CPED1: variants seen among roughly 807,000 people sequenced by gnomAD.
CPED1 encodes the protein cadherin like and PC-esterase domain containing 1.
CPED1 carries 114 observed loss-of-function variants against 128.2 expected under a neutral mutation model. The ratio of observed to expected loss-of-function variants is 0.89; its 90% CI spans 0.76 to 1.04. The LOEUF (loss-of-function observed/expected upper bound fraction) is 1.04, where lower values mean the gene tolerates loss of function less well. Ranked by LOEUF, CPED1 falls within the 50% of genes least tolerant of loss-of-function variation. The pLI is 0.00. For synonymous variants in CPED1, 462 were observed against 426.7 expected (o/e 1.08, Z -1.02); for missense variants, 1,211 against 1,207.1 (o/e 1.00, Z -0.05).
chr7:121,244,206 G>A lies in CPED1; in HGVS notation c.2178G>A (p.Gln726=). ...AAGTTTTGCCATCTATTCCAGGCCAGTGGATTGTGCCTTGCCTTAGTTGTT... is the reference window on the plus strand; with the variant it reads ...AAGTTTTGCCATCTATTCCAGGCCAATGGATTGTGCCTTGCCTTAGTTGTT... ...KRCPSGDMKG[Q]WIVPCLSCSD... Residue 726 remains glutamine, a synonymous_variant, in exon 18 of 23, where the codon CAG becomes CAA. Transcript: ENST00000310396. The A allele has an allele frequency of 6.2e-7, 1 of 1,614,180 alleles. No homozygotes were observed. Among genetic ancestry groups the A allele is most frequent in the Non-Finnish European group, 8.5e-7 (1 of 1,180,020 alleles).
intron 16 of CPED1, among the ~76,000 whole-genome samples, chr7:121,170,532 T>C (rs1484748798): frequency 6.6e-6 from 1 of 152,154 alleles, no homozygotes; most frequent in Admixed American, 6.5e-5. Context: ...TGATGAATAA[T>C]AAGTACTCAG....
chr7:121,187,918 G>A lies in CPED1; in HGVS notation c.2055+45777G>A, dbSNP rs549257771. On this transcript the variant is annotated intron_variant, in intron 16 of 22. Coordinates refer to ENST00000310396, the MANE Select transcript of CPED1 (RefSeq NM_024913.5). The stretch of plus-strand genomic sequence containing the variant: ...TATGTGCCTCTTGATATGATGCAAT[G>A]AGGAAGTTCACAGGACTTCCTAAAT... Among the ~76,000 whole-genome samples, 14 of 152,190 alleles carry A rather than the reference G, an allele frequency of 9.2e-5. No homozygotes were observed. The South Asian group carries it at 2.9e-3, about 32-fold the overall frequency.
At chr7:121,075,993 G>A (rs561864258) in intron 5 of CPED1, among the ~76,000 whole-genome samples, 1 of 152,204 alleles carries the variant, frequency 6.6e-6, no homozygotes, top group South Asian at 2.1e-4. Context: ...GTATGTGTTT[G>A]TCTCCCCCAC....
chr7:121,237,121 T>G (rs987657782), intron 17 of CPED1, among the ~76,000 whole-genome samples: 1 of 152,198 alleles, frequency 6.6e-6, no homozygotes, highest in African/African-American at 2.4e-5. Flanking sequence ...GATTTGTTTC[T>G]TTATTATATA....
At chr7:121,100,585 TAGGGAAGATTTC>T (rs1199680017) in intron 7 of CPED1, among the ~76,000 whole-genome samples, 1 of 152,096 alleles carries the variant, frequency 6.6e-6, no homozygotes, top group Admixed American at 6.5e-5. Flanking sequence ...TAAAGGATAA[TAGGGAAGATTTC>T]AGGGAAGAAC....
Position 121,108,929 on chromosome 7 carries a change from AACACATAGTTTTAAACTTACT to A in CPED1, c.918+8841_918+8861del, listed in dbSNP as rs1458817611. 9.2e-5 allele frequency among the ~76,000 whole-genome samples: 14 copies of A among 152,262 alleles called. No homozygotes were observed. In the East Asian group the frequency reaches 2.7e-3, roughly 29 times the overall value. ...ACAACAACAACAAAAAAGATTTTGCAACACATAGTTTTAAACTTACTACACAATACCAGTTTTAAAATTACT... is the reference window on the plus strand; with the variant it reads ...ACAACAACAACAAAAAAGATTTTGCAACACAATACCAGTTTTAAAATTACT... On this transcript the variant is annotated intron_variant, in intron 7 of 22. Transcript: ENST00000310396.
Position 121,063,381 on chromosome 7 carries a change from G to GAAAAAAAAAAAAAAAAA in CPED1, c.541-852_541-836dup, listed in dbSNP as rs368502123. ...GCTTTATTTTGCAAATGAAGAAACT[G>GAAAAAAAAAAAAAAAAA]AAAAAAAAAAAAAAAAAAAAAGCAA... On this transcript the variant is annotated intron_variant, in intron 4 of 22. Transcript: ENST00000310396. 2.2e-4 allele frequency among the ~76,000 whole-genome samples: 15 copies of GAAAAAAAAAAAAAAAAA among 67,036 alleles called. 1 individual carries two copies. The highest frequency in any genetic ancestry group is 5.5e-4 in the African/African-American group (9 of 16,450). 44.0% of individuals were successfully genotyped at this position (67,036 alleles called of 152,430 possible). A position where few individuals can be genotyped will look rare whatever the true frequency, so the allele number is the denominator to read the frequency against.
chr7:121,084,648 T>C (rs1392467157), intron 5 of CPED1, among the ~76,000 whole-genome samples: 1 of 152,242 alleles, frequency 6.6e-6, no homozygotes, highest in Non-Finnish European at 1.5e-5. Context: ...CAAAATTCAG[T>C]ATGTAATAAA....
chr7:121,013,705 G>A (rs1792219769), intron 2 of CPED1, among the ~76,000 whole-genome samples: 1 of 152,162 alleles, frequency 6.6e-6, no homozygotes, highest in East Asian at 1.9e-4. Flanking sequence ...TAGATGCAGA[G>A]TTTGTGTCCT....
rs541681930 is a variant in CPED1, at chr7:121,015,738, G to C, written c.323G>C (p.Ser108Thr). 3.1e-6 allele frequency: 5 copies of C among 1,611,704 alleles called. No homozygotes were observed. The African/African-American group carries it at 5.3e-5, about 17-fold the overall frequency. ...RAILYRPPFY[S>T]KTELQLHQHI... ...ATACTCTACAGGCCTCCTTTCTACA[G>C]CAAAACAGAGCTTCAGCTACACCAG... is the stretch of plus-strand genomic sequence containing the variant. Residue 108 changes from serine (S) to threonine (T), a missense_variant, in exon 3 of 23, where the codon AGC (serine) becomes ACC (threonine). Transcript: ENST00000310396.
chr7:121,123,165 C>A (rs1795427525), intron 7 of CPED1, among the ~76,000 whole-genome samples: 2 of 152,044 alleles, frequency 1.3e-5, no homozygotes, highest in African/African-American at 4.8e-5. Flanking sequence ...GAAGAACATC[C>A]CAATTGCCAA....
At chr7:121,226,617 A>G (rs894038760) in intron 16 of CPED1, among the ~76,000 whole-genome samples, 1 of 152,098 alleles carries the variant, frequency 6.6e-6, no homozygotes, top group African/African-American at 2.4e-5. Flanking sequence ...TCTTAGCAGT[A>G]TAATTGCTGG....
In CPED1 at chr7:121,263,096, G is replaced by A. The variant is rs140270946; in HGVS notation, c.2311-3131G>A. On this transcript the variant is annotated intron_variant, in intron 18 of 22. Coordinates refer to ENST00000310396, the MANE Select transcript of CPED1 (RefSeq NM_024913.5). ...ATTGAGATATTTGCGATTTAGAAGA[G>A]CTTGTTGTGCAAATGACAGTGGTGA... 4.5e-4 allele frequency among the ~76,000 whole-genome samples: 69 copies of A among 152,198 alleles called. 1 individual carries two copies. The highest frequency in any genetic ancestry group is 4.1e-3 in the Admixed American group (62 of 15,286).
At chr7:121,228,743 G>A (rs1248179755) in intron 16 of CPED1, among the ~76,000 whole-genome samples, 1 of 151,962 alleles carries the variant, frequency 6.6e-6, no homozygotes. Context: ...ATCAGCATAA[G>A]TGCCTATCAG....
intron 16 of CPED1, among the ~76,000 whole-genome samples, chr7:121,179,699 C>T (rs1458267910): frequency 6.6e-6 from 1 of 151,948 alleles, no homozygotes; most frequent in East Asian, 1.9e-4. Context: ...GACTTATAAA[C>T]CCAACATAAC....
At chr7:121,050,948 A>G in intron 4 of CPED1, 1 of 497,594 alleles carries the variant, frequency 2.0e-6, no homozygotes, top group South Asian at 1.5e-5. Flanking sequence ...ATCAAGGAAG[A>G]GCCCAAGAGG....
At chr7:121,060,938 G>A (rs1356844447) in intron 4 of CPED1, among the ~76,000 whole-genome samples, 1 of 151,824 alleles carries the variant, frequency 6.6e-6, no homozygotes, top group African/African-American at 2.4e-5. Context: ...GCGAGACCAC[G>A]AGCCCCCCGG....
At chr7:121,169,854 C>T (rs1338266071) in intron 16 of CPED1, among the ~76,000 whole-genome samples, 1 of 152,094 alleles carries the variant, frequency 6.6e-6, no homozygotes, top group Non-Finnish European at 1.5e-5. Context: ...ATATTTTTTA[C>T]GTTGAAGGAA....
In CPED1 at chr7:121,295,623, A is replaced by C. The variant is rs767001502; in HGVS notation, c.3052A>C (p.Arg1018=). ...NQVCSEILLS[R]MCANKRTM is the part of the protein sequence containing the mutation. ...GGTTTGTTCTGAAATCCTTCTCAGCAGGATGTGTGCAAATAAAAGGACTAT... is the reference window on the plus strand; with the variant it reads ...GGTTTGTTCTGAAATCCTTCTCAGCCGGATGTGTGCAAATAAAAGGACTAT... Residue 1018 remains arginine (R), a synonymous_variant, in exon 23 of 23, where the codon AGG becomes CGG. Transcript: ENST00000310396. The C allele has an allele frequency of 1.1e-5, 18 of 1,613,906 alleles. No individual in the cohort carries two copies. In the South Asian group the frequency reaches 2.0e-4, roughly 18 times the overall value.
Sources: allele counts gnomAD v4.1 joint callset (sites outside exome capture counted in the v4.1 genomes callset), GRCh38; gene constraint gnomAD v4.1.1; transcripts MANE v1.5; gene names NCBI Gene and HGNC (gene_info 2026-07-23, HGNC 2026-07-21).